Variants in NEMF observed in about 807,000 individuals in gnomAD.
NEMF encodes the protein ribosome quality control complex subunit NEMF.
In NEMF, 89 loss-of-function variants were observed where a neutral mutation model predicts 162.2. The observed-to-expected ratio is 0.55, with a 90% CI of 0.46 to 0.65. The LOEUF is 0.65. Ranked by LOEUF, NEMF falls within the 30% of genes least tolerant of loss-of-function variation. NEMF has a pLI of 0.00. For synonymous variants in NEMF, 421 were observed against 404.5 expected (o/e 1.04, Z -0.49); for missense variants, 1,133 against 1,261.9 (o/e 0.90, Z 1.55).
intron 7 of NEMF, 76 bp downstream of exon 7, chr14:49,834,287 C>A (rs545023488): frequency 1.0e-6 from 1 of 967,338 alleles, no homozygotes. Flanking sequence ...CACCTGCTCC[C>A]TTATTACTTT....
At chr14:49,852,594 G>T in intron 1 of NEMF, 101 bp downstream of exon 1, 1 of 1,315,502 alleles carries the variant, frequency 7.6e-7, no homozygotes, top group Non-Finnish European at 1.1e-6. Context: ...AGACGCACTA[G>T]GAAATAAGGA....
intron 25 of NEMF, among the ~76,000 whole-genome samples, chr14:49,799,207 C>CAAAAAAAAAAAAA (rs780442972): frequency 1.9e-4 from 11 of 59,066 alleles, no homozygotes; most frequent in East Asian, 7.1e-4. Flanking sequence ...GACCCTGTTT[C>CAAAAAAAAAAAAA]AAAAAAAAAA....
At chr14:49,850,221 T>C (rs1893705300) in intron 3 of NEMF, among the ~76,000 whole-genome samples, 1 of 152,008 alleles carries the variant, frequency 6.6e-6, no homozygotes. Context: ...TCCTGCCCCA[T>C]CCTCCCAAGT....
At chr14:49,827,867 A>G (rs1215783321) in intron 15 of NEMF, among the ~76,000 whole-genome samples, 1 of 151,746 alleles carries the variant, frequency 6.6e-6, no homozygotes, top group Non-Finnish European at 1.5e-5. Flanking sequence ...CTGTAGTGGG[A>G]AAAGAGGAGG....
intron 29 of NEMF, chr14:49,786,096 C>T (rs1343727279): frequency 6.6e-6 from 1 of 152,546 alleles, no homozygotes; most frequent in Non-Finnish European, 1.5e-5. Context: ...AGATAGTTTT[C>T]GTTGACACGA....
chr14:49,817,264 GA>G (rs1891760347), intron 16 of NEMF, among the ~76,000 whole-genome samples: 1 of 152,206 alleles, frequency 6.6e-6, no homozygotes, highest in African/African-American at 2.4e-5. Context: ...CCAACATGAT[GA>G]AACCTCATCT....
At chr14:49,799,741 C>T in intron 23 of NEMF, 63 bp from the exon 24 acceptor site, 2 of 1,341,880 alleles carry the variant, frequency 1.5e-6, no homozygotes, top group Non-Finnish European at 2.1e-6. Context: ...TACAAAGTCC[C>T]AAAACATTCC....
chr14:49,828,862 T>C, intron 13 of NEMF, 55 bp from the exon 14 acceptor site: 1 of 1,389,902 alleles, frequency 7.2e-7, no homozygotes, highest in Non-Finnish European at 9.7e-7. Flanking sequence ...ACTTTTATTT[T>C]CAATTTTCTT....
chr14:49,846,332 A>G, intron 3 of NEMF, 67 bp from the exon 4 acceptor site: 2 of 1,425,330 alleles, frequency 1.4e-6, no homozygotes, highest in African/African-American at 1.4e-5. Flanking sequence ...GTATTGGTTT[A>G]TAAATAAGCT....
rs527240921 is a variant in NEMF at position 49,784,044 on chromosome 14, C to G, written c.*592G>C. ...GCCACTTCACTGTTCAGTTTCTTTA[C>G]ATCATGAAATGAATACTTGGTATTA... On this transcript the variant is annotated 3_prime_UTR_variant, in exon 33 of 33. Coordinates refer to ENST00000298310, the MANE Select transcript of NEMF (RefSeq NM_004713.6). The G allele has an allele frequency of 9.2e-5, 14 of 151,790 alleles. 1 individual carries two copies. The South Asian group carries it at 2.9e-3, about 32-fold the overall frequency. 9.4% of individuals were successfully genotyped at this position (151,790 alleles called of 1,614,324 possible).
intron 7 of NEMF, 87 bp from the exon 8 acceptor site, chr14:49,833,583 A>G: frequency 1.3e-6 from 1 of 784,032 alleles, no homozygotes; most frequent in Non-Finnish European, 2.0e-6. Context: ...AAAACAGGAA[A>G]GTGCTTACAA....
At chr14:49,823,940 G>A (rs1486128317) in intron 16 of NEMF, among the ~76,000 whole-genome samples, 4 of 152,010 alleles carry the variant, frequency 2.6e-5, no homozygotes, top group African/African-American at 7.2e-5. Context: ...AGGCTGAGGC[G>A]GGCAGATCAC....
At chr14:49,828,214 A>T in intron 15 of NEMF, 77 bp downstream of exon 15, 1 of 1,011,044 alleles carries the variant, frequency 9.9e-7, no homozygotes, top group Non-Finnish European at 1.6e-6. Context: ...AACCTCATTT[A>T]AACAGAAGAA....
Position 49,828,707 on chromosome 14 carries a change from GTTTTTTC to G in NEMF, c.1326_1332del (p.Lys442AsnfsTer18), listed in dbSNP as rs1228530945. ...GGCTTCTGCAGCTGTTTATTCTTTT[GTTTTTTC>G]TTTTTTCCTTTTGGTGGTTCAGTTT... On this transcript the variant is annotated frameshift_variant, in exon 14 of 33. Transcript: ENST00000298310. LOFTEE classifies it high-confidence loss of function. 6.2e-7 allele frequency: 1 copy of G among 1,605,808 alleles called. No homozygotes were observed. Among genetic ancestry groups the G allele is most frequent in the Non-Finnish European group, 8.5e-7 (1 of 1,177,540 alleles).
At chr14:49,798,557 A>G (rs1201853532) in intron 25 of NEMF, among the ~76,000 whole-genome samples, 2 of 152,212 alleles carry the variant, frequency 1.3e-5, no homozygotes, top group East Asian at 3.8e-4. Context: ...AGCCCATGGC[A>G]AAACTGGTTT....
intron 4 of NEMF, among the ~76,000 whole-genome samples, chr14:49,845,220 G>A (rs1038027247): frequency 6.6e-6 from 1 of 152,098 alleles, no homozygotes; most frequent in African/African-American, 2.4e-5. Context: ...AGCCTCCCGA[G>A]TAGCTGGGAT....
intron 7 of NEMF, 51 bp from the exon 8 acceptor site, chr14:49,833,547 T>A: frequency 2.5e-6 from 3 of 1,202,122 alleles, no homozygotes; most frequent in Non-Finnish European, 3.6e-6. Context: ...AAGTGTCAAT[T>A]AACCGTGGCT....
At chr14:49,845,410 G>C (rs1220721839) in intron 4 of NEMF, among the ~76,000 whole-genome samples, 3 of 152,166 alleles carry the variant, frequency 2.0e-5, no homozygotes, top group Admixed American at 6.6e-5. Flanking sequence ...TGCCCGGCCT[G>C]AGTCATTGCG....
chr14:49,835,818 G>C (rs1892870426), intron 6 of NEMF, among the ~76,000 whole-genome samples: 2 of 152,062 alleles, frequency 1.3e-5, no homozygotes, highest in African/African-American at 4.8e-5. Context: ...CAGGTTTGCA[G>C]GATACAAAAA....
Sources: gnomAD v4.1 joint callset for allele counts (sites outside exome capture counted in the v4.1 genomes callset) on GRCh38, gnomAD v4.1.1 for gene constraint, MANE v1.5 for transcripts, NCBI Gene and HGNC (gene_info 2026-07-23, HGNC 2026-07-21) for gene names.